CDK14: variants seen among roughly 807,000 people sequenced by gnomAD.
CDK14 encodes the protein cyclin-dependent kinase 14.
In CDK14, 34 loss-of-function variants were observed where a neutral mutation model predicts 60.7. The observed-to-expected ratio is 0.56, with a 90% confidence interval of 0.43 to 0.75. The LOEUF is 0.75. Among genes scored for constraint, CDK14 ranks in the 30% least tolerant of loss-of-function variants. CDK14 has a pLI of 0.00. For synonymous variants in CDK14, 197 were observed against 203.7 expected (o/e 0.97, Z 0.28); for missense variants, 482 against 564.1 (o/e 0.85, Z 1.47).
intron 14 of CDK14, among the ~76,000 whole-genome samples, chr7:91,204,743 G>A (rs1421435576): frequency 3.3e-5 from 5 of 152,174 alleles, no homozygotes; most frequent in African/African-American, 1.2e-4. Context: ...GAGCCCAGGA[G>A]TTCAAGACCA....
intron 12 of CDK14, among the ~76,000 whole-genome samples, chr7:91,108,842 C>G (rs1799389281): frequency 6.6e-6 from 1 of 152,080 alleles, no homozygotes; most frequent in South Asian, 2.1e-4. Flanking sequence ...ATGTCTGTCT[C>G]CAGACCAAAA....
Position 90,665,460 on chromosome 7 carries a change from A to G in CDK14, c.124-61107A>G, listed in dbSNP as rs542212267. ...TTAGCAGAAAGCAGGAAAATATGCAATGGATAGCAAACAAACCAATTAAAA... is the reference window on the plus strand; with the variant it reads ...TTAGCAGAAAGCAGGAAAATATGCAGTGGATAGCAAACAAACCAATTAAAA... On this transcript the variant is annotated intron_variant, in intron 2 of 14. Coordinates refer to ENST00000380050, the MANE Select transcript of CDK14 (RefSeq NM_001287135.2). Among the ~76,000 whole-genome samples the G allele has an allele frequency of 3.9e-5, 6 of 152,344 alleles. No homozygotes were observed. The East Asian group carries it at 1.2e-3, about 29-fold the overall frequency.
chr7:90,756,876 G>A (rs1584861561), intron 4 of CDK14, among the ~76,000 whole-genome samples: 1 of 152,176 alleles, frequency 6.6e-6, no homozygotes, highest in Admixed American at 6.5e-5. Flanking sequence ...AGAGATACTT[G>A]TGATTTTCAG....
At chr7:90,624,677 T>A (rs1326688950) in intron 2 of CDK14, among the ~76,000 whole-genome samples, 1 of 152,210 alleles carries the variant, frequency 6.6e-6, no homozygotes, top group African/African-American at 2.4e-5. Flanking sequence ...AGGAAGCTGC[T>A]TATGAGAAGG....
intron 7 of CDK14, among the ~76,000 whole-genome samples, chr7:90,915,955 C>A (rs997659781): frequency 6.6e-6 from 1 of 152,220 alleles, no homozygotes; most frequent in Non-Finnish European, 1.5e-5. Flanking sequence ...TAAGACTCTG[C>A]TAGATCCCAA....
At chr7:91,144,969 G>A (rs10280361) in intron 14 of CDK14, among the ~76,000 whole-genome samples, 13,790 of 152,108 alleles carry the variant, frequency 0.091, 1,235 homozygotes, top group African/African-American at 0.23. Flanking sequence ...TCCTTCCTAA[G>A]GATTTGAACA....
intron 10 of CDK14, among the ~76,000 whole-genome samples, chr7:90,994,258 T>C (rs983663368): frequency 6.6e-6 from 1 of 152,212 alleles, no homozygotes; most frequent in Admixed American, 6.5e-5. Context: ...TTCCTGTTTC[T>C]TTCTTCAGAG....
intron 14 of CDK14, among the ~76,000 whole-genome samples, chr7:91,161,428 G>A (rs1484654735): frequency 6.6e-6 from 1 of 152,176 alleles, no homozygotes; most frequent in East Asian, 1.9e-4. Flanking sequence ...GAGTGGTGAG[G>A]TTACTAAAAT....
chr7:90,611,306 C>G (rs964088758), intron 2 of CDK14, among the ~76,000 whole-genome samples: 2 of 152,204 alleles, frequency 1.3e-5, no homozygotes, highest in African/African-American at 4.8e-5. Context: ...GTCAGTGTGG[C>G]TGACTCAGCT....
intron 4 of CDK14, among the ~76,000 whole-genome samples, chr7:90,770,826 A>T (rs1404285824): frequency 1.3e-5 from 2 of 152,162 alleles, no homozygotes; most frequent in Non-Finnish European, 2.9e-5. Flanking sequence ...ATACCAGGAA[A>T]CTTTTCTGAC....
At chr7:90,791,861 T>C (rs2116970555) in intron 5 of CDK14, among the ~76,000 whole-genome samples, 1 of 151,938 alleles carries the variant, frequency 6.6e-6, no homozygotes, top group East Asian at 1.9e-4. Context: ...TAGGCTGACC[T>C]TTTCTCTGAG....
chr7:91,137,323 C>G (rs1430300100), intron 14 of CDK14, among the ~76,000 whole-genome samples: 1 of 152,092 alleles, frequency 6.6e-6, no homozygotes, highest in African/African-American at 2.4e-5. Context: ...GTGCTGTGTT[C>G]TCTTTCCCAC....
rs193227231 is a variant in CDK14, at chr7:90,753,000, A to C, written c.464+5225A>C. Reference sequence around the variant, plus strand: ...AAGTTCCACAATTGAATTAATAATAAAAACCTACCAATCAAAAAAAGCCCA... The same window carrying C: ...AAGTTCCACAATTGAATTAATAATACAAACCTACCAATCAAAAAAAGCCCA... On this transcript the variant is annotated intron_variant, in intron 4 of 14. Transcript: ENST00000380050. Among the ~76,000 whole-genome samples, 6 of 152,286 alleles carry C rather than the reference A, an allele frequency of 3.9e-5. No individual in the cohort carries two copies. In the East Asian group the frequency reaches 1.2e-3, roughly 29 times the overall value.
At chr7:90,660,827 A>G (rs539719143) in intron 2 of CDK14, among the ~76,000 whole-genome samples, 51 of 152,292 alleles carry the variant, frequency 3.3e-4, no homozygotes, top group African/African-American at 1.2e-3. Context: ...TCCTGGTTGG[A>G]TTGGTTTAGT....
intron 10 of CDK14, among the ~76,000 whole-genome samples, chr7:91,030,522 C>T (rs117517295): frequency 0.015 from 2,326 of 152,190 alleles, 22 homozygotes; most frequent in Non-Finnish European, 0.022. Context: ...TCAGTATTCT[C>T]CACCTCTTCC....
At chr7:91,118,021 A>C in intron 13 of CDK14, 44 bp from the exon 14 acceptor site, 1 of 1,104,292 alleles carries the variant, frequency 9.1e-7, no homozygotes, top group Non-Finnish European at 1.3e-6. Flanking sequence ...ATGATTATAA[A>C]TATCTATAAC....
At chr7:90,687,800 A>G (rs1020062206) in intron 2 of CDK14, among the ~76,000 whole-genome samples, 2 of 152,178 alleles carry the variant, frequency 1.3e-5, no homozygotes, top group African/African-American at 2.4e-5. Flanking sequence ...AATACATTAT[A>G]TTAATCTTGA....
chr7:90,785,967 C>G (rs1291222801), intron 4 of CDK14, among the ~76,000 whole-genome samples: 1 of 152,152 alleles, frequency 6.6e-6, no homozygotes, highest in Non-Finnish European at 1.5e-5. Context: ...CAGCCTGGCT[C>G]TACCTGGCTA....
At chr7:90,718,061 G>A (rs1802315393) in intron 2 of CDK14, among the ~76,000 whole-genome samples, 1 of 152,064 alleles carries the variant, frequency 6.6e-6, no homozygotes, top group South Asian at 2.1e-4. Flanking sequence ...GTAGTTGGTA[G>A]TGAGGGCATT....
Sources: gnomAD v4.1 joint callset for allele counts (sites outside exome capture counted in the v4.1 genomes callset) on GRCh38, gnomAD v4.1.1 for gene constraint, MANE v1.5 for transcripts, NCBI Gene and HGNC (gene_info 2026-07-23, HGNC 2026-07-21) for gene names.